The following AKAP19 variants were observed in gnomAD, a reference collection of about 807,000 sequenced individuals.
The protein encoded by AKAP19 is A-kinase anchoring protein 19, also known as small A-kinase anchoring protein.
the AKAP19 span, among the ~76,000 whole-genome samples, chr2:190,163,302 C>T: frequency 1.3e-5 from 2 of 151,960 alleles, no homozygotes; most frequent in East Asian, 3.9e-4. Flanking sequence ...GGCGTGTTGG[C>T]GGGCGCCTGT....
At chr2:189,952,740 T>C in the AKAP19 span, among the ~76,000 whole-genome samples, 104,899 of 152,110 alleles carry the variant, frequency 0.69, 37,096 homozygotes, top group East Asian at 0.86. Flanking sequence ...ACGTATCCTT[T>C]TAAGAACTTC....
the AKAP19 span, among the ~76,000 whole-genome samples, chr2:189,948,489 T>A: frequency 7.2e-5 from 11 of 152,128 alleles, no homozygotes; most frequent in Non-Finnish European, 1.3e-4. Flanking sequence ...TTACCCACAG[T>A]TTTGCTCCCC....
chr2:190,044,037 TC>T, the AKAP19 span, among the ~76,000 whole-genome samples: 14 of 152,322 alleles, frequency 9.2e-5, no homozygotes, highest in Non-Finnish European at 1.9e-4. Context: ...GTTGGTAGAC[TC>T]CTGCTTACTT....
chr2:190,068,205 C>T, the AKAP19 span, among the ~76,000 whole-genome samples: 1 of 152,198 alleles, frequency 6.6e-6, no homozygotes, highest in Non-Finnish European at 1.5e-5. Flanking sequence ...TACTTGTCCT[C>T]TAATCCCTAC....
At chr2:190,102,301 C>A in the AKAP19 span, among the ~76,000 whole-genome samples, 373 of 151,660 alleles carry the variant, frequency 2.5e-3, no homozygotes, top group Non-Finnish European at 4.6e-3. Context: ...AACAAACTAA[C>A]CCCAAGGCTA....
chr2:190,140,482 G>A, the AKAP19 span, among the ~76,000 whole-genome samples: 1 of 152,148 alleles, frequency 6.6e-6, no homozygotes, highest in Non-Finnish European at 1.5e-5. Flanking sequence ...TGAAATCTAG[G>A]CAGAGGTTCC....
the AKAP19 span, among the ~76,000 whole-genome samples, chr2:190,169,219 C>G: frequency 6.6e-6 from 1 of 152,098 alleles, no homozygotes; most frequent in Non-Finnish European, 1.5e-5. Flanking sequence ...TCTCATGAGA[C>G]TTATTCACGG....
At chr2:189,984,263 C>A in the AKAP19 span, among the ~76,000 whole-genome samples, 1 of 152,108 alleles carries the variant, frequency 6.6e-6, no homozygotes, top group East Asian at 1.9e-4. Context: ...CAATCTCGAC[C>A]ATAAGACACA....
At chr2:189,963,199 C>CTTTTTTT in the AKAP19 span, among the ~76,000 whole-genome samples, 1 of 136,842 alleles carries the variant, frequency 7.3e-6, no homozygotes. Context: ...CTTCACTTCT[C>CTTTTTTT]TTTTTTTTTT....
chr2:189,975,704 ACTTCT>A, the AKAP19 span, among the ~76,000 whole-genome samples: 1 of 150,864 alleles, frequency 6.6e-6, no homozygotes, highest in African/African-American at 2.4e-5. Flanking sequence ...TTTTCTCTAG[ACTTCT>A]CTTCTCGCTT....
At chr2:189,945,697 A>T in the AKAP19 span, among the ~76,000 whole-genome samples, 1 of 152,238 alleles carries the variant, frequency 6.6e-6, no homozygotes, top group Non-Finnish European at 1.5e-5. Flanking sequence ...ATAGATTGGC[A>T]TTCAAATATG....
chr2:189,980,420 C>A, the AKAP19 span, among the ~76,000 whole-genome samples: 22,746 of 151,982 alleles, frequency 0.15, 1,809 homozygotes, highest in Middle Eastern at 0.26. Flanking sequence ...CTCACTGCAA[C>A]CTTCGCCTCC....
the AKAP19 span, among the ~76,000 whole-genome samples, chr2:189,955,119 T>C: frequency 2.0e-5 from 3 of 151,976 alleles, no homozygotes; most frequent in Non-Finnish European, 4.4e-5. Context: ...CCTTTTGGAG[T>C]CTCCAGTGTT....
chr2:189,947,329 A>T, the AKAP19 span, among the ~76,000 whole-genome samples: 120 of 152,214 alleles, frequency 7.9e-4, no homozygotes, highest in African/African-American at 2.8e-3. Context: ...TGGCTATTTT[A>T]TATTTTTTCA....
chr2:190,091,894 AT>A, the AKAP19 span, among the ~76,000 whole-genome samples: 1 of 152,160 alleles, frequency 6.6e-6, no homozygotes, highest in Non-Finnish European at 1.5e-5. Flanking sequence ...AAAATCACTC[AT>A]AATTCCTTTA....
the AKAP19 span, among the ~76,000 whole-genome samples, chr2:190,132,769 G>A: frequency 2.0e-5 from 3 of 151,790 alleles, no homozygotes; most frequent in Non-Finnish European, 4.4e-5. Flanking sequence ...AGCAACAAAA[G>A]CAAAAATAAA....
At chr2:189,930,734 T>C in the AKAP19 span, 1 of 642,614 alleles carries the variant, frequency 1.6e-6, no homozygotes, top group Non-Finnish European at 2.8e-6. Context: ...ATCATACAGA[T>C]CACACACTCC....
the AKAP19 span, among the ~76,000 whole-genome samples, chr2:189,931,458 C>T: frequency 6.6e-6 from 1 of 152,118 alleles, no homozygotes; most frequent in African/African-American, 2.4e-5. Flanking sequence ...AACTCCCAGG[C>T]TCAAACAGTC....
At chr2:190,007,953 C>T in the AKAP19 span, among the ~76,000 whole-genome samples, 2 of 152,138 alleles carry the variant, frequency 1.3e-5, no homozygotes, top group African/African-American at 4.8e-5. Context: ...CAGCAAGAGA[C>T]TCTGTCTCAT....
Sources: gnomAD v4.1 joint callset for allele counts (sites outside exome capture counted in the v4.1 genomes callset) on GRCh38, gnomAD v4.1.1 for gene constraint, MANE v1.5 for transcripts, NCBI Gene and HGNC (gene_info 2026-07-23, HGNC 2026-07-21) for gene names.